The following ATG2A variants were observed in gnomAD, a reference collection of about 807,000 sequenced individuals.
ATG2A encodes the protein autophagy related 2A.
A neutral mutation model predicts 214.2 loss-of-function variants in ATG2A; 103 were observed. The ratio of observed to expected loss-of-function variants is 0.48; its 90% CI spans 0.41 to 0.57. ATG2A has a LOEUF of 0.57. Ranked by LOEUF, ATG2A falls within the 20% of genes least tolerant of loss-of-function variation. The probability of loss-of-function intolerance (pLI) is 0.00; values close to 1 mark genes in which losing one functional copy is unlikely to be tolerated. For missense variants in ATG2A, 2,312 were observed against 2,613.2 expected (o/e 0.88, Z 2.51); for synonymous variants, 1,160 against 1,142.1 (o/e 1.02, Z -0.32).
In ATG2A at chr11:64,897,710, C is replaced by A. The variant is rs1378099917; in HGVS notation, c.5028G>T (p.Trp1676Cys). ...TGACGTGCTTGCCATGGTAATCCAG[C>A]CAGATGGGGACCTCAGACGTGAAGC... ...EFRFTSEVPI[W>C]LDYHGKHVTM... Residue 1676 changes from tryptophan (W) to cysteine (C), a missense_variant, in exon 36 of 41, where the codon TGG (tryptophan) becomes TGT (cysteine). Coordinates refer to ENST00000377264, the MANE Select transcript of ATG2A (RefSeq NM_015104.3). 11 of 1,614,118 alleles carry A rather than the reference C, an allele frequency of 6.8e-6. No homozygotes were observed. The highest frequency in any genetic ancestry group is 1.3e-5 in the African/African-American group (1 of 74,936).
In ATG2A at chr11:64,898,380, GTTCTGGACACCTGCTGGGC is replaced by G. The variant is rs1288865968; in HGVS notation, c.4672-37_4672-19del. 4.5e-6 allele frequency: 7 copies of G among 1,572,080 alleles called. No homozygotes were observed. The highest frequency in any genetic ancestry group is 1.4e-5 in the African/African-American group (1 of 73,170). ...ATGGTGAGCTGGGAGCAGAGGGTGA[GTTCTGGACACCTGCTGGGC>G]CTCTGGGGCAGCAGCTCACCCAGCT... On this transcript the variant is annotated intron_variant, in intron 32 of 40. Coordinates refer to ENST00000377264, the MANE Select transcript of ATG2A (RefSeq NM_015104.3). This position sits in a 1 kb window ranked among gnomAD's most constrained non-coding sequence, Gnocchi z 4.5.
rs746237202 is a variant in ATG2A, at chr11:64,894,891, C to T, written c.*82G>A. ...GTGGCCATCCCCTGAAGGGCCAGGC[C>T]GGGCCGGGCCCGTGGGCTGCAGCTC... On this transcript the variant is annotated 3_prime_UTR_variant, in exon 41 of 41. Transcript: ENST00000377264. The T allele has an allele frequency of 9.1e-6, 14 of 1,535,014 alleles. No homozygotes were observed. Among genetic ancestry groups the T allele is most frequent in the African/African-American group, 5.4e-5 (4 of 73,460 alleles).
chr11:64,898,763 G>A lies in ATG2A; in HGVS notation c.4544C>T (p.Pro1515Leu), dbSNP rs938979604. 9.3e-6 allele frequency: 15 copies of A among 1,613,750 alleles called. No individual in the cohort carries two copies. The highest frequency in any genetic ancestry group is 5.0e-5 in the Admixed American group (3 of 60,004). The change falls in exon 32 of 41, where the codon CCG (proline) becomes CTG (leucine). Residue 1515 changes from proline (P) to leucine (L), a missense_variant. Physicochemically the swap from Pro to Leu is moderately conservative, Grantham distance 98. Transcript: ENST00000377264. This position sits in a 1 kb window ranked among gnomAD's most constrained non-coding sequence, Gnocchi z 4.5. ...CACGATGAACACCTGACGGGACAGC[G>A]GTCGCTCCTCCAGCTCCTGGCTGGG... ...AAPSQELEER[P>L]LSRQVFIVQE...
chr11:64,915,147 C>T (rs960956805), intron 1 of ATG2A, among the ~76,000 whole-genome samples: 3 of 103,020 alleles, frequency 2.9e-5, no homozygotes, highest in East Asian at 3.5e-4. Flanking sequence ...CCCCCCCCAC[C>T]ACCAACCCCA....
At chr11:64,910,782 G>A (rs1372865283) in intron 11 of ATG2A, 25 bp downstream of exon 11, 10 of 1,610,260 alleles carry the variant, frequency 6.2e-6, no homozygotes, top group African/African-American at 1.3e-5. Flanking sequence ...ACCCCGCCTC[G>A]TACACATTCT....
At chr11:64,915,400 G>A (rs553341769) in intron 1 of ATG2A, among the ~76,000 whole-genome samples, 5 of 152,274 alleles carry the variant, frequency 3.3e-5, no homozygotes, top group South Asian at 2.1e-4. Flanking sequence ...CCCACAGCTC[G>A]GGAAACTGAG....
At chr11:64,912,971 G>C in intron 6 of ATG2A, 67 bp downstream of exon 6, 3 of 1,165,742 alleles carry the variant, frequency 2.6e-6, no homozygotes, top group Non-Finnish European at 3.6e-6. Flanking sequence ...TAGATAATCA[G>C]CCTTGCTGAG....
Position 64,913,265 on chromosome 11 carries a change from C to A in ATG2A, c.726+1G>T. 6.2e-7 allele frequency: 1 copy of A among 1,611,958 alleles called. No homozygotes were observed. The highest frequency in any genetic ancestry group is 8.5e-7 in the Non-Finnish European group (1 of 1,179,720). On this transcript the variant is annotated splice_donor_variant, in intron 5 of 40. Transcript: ENST00000377264. LOFTEE classifies it high-confidence loss of function. The surrounding 1 kb of genome is among the most constrained non-coding windows in gnomAD (Gnocchi z 4.3). ...GGCTGTGGGAATCAGAGCCCGCTCA[C>A]CTGTGCCGGGAGCTCCTCGTAGTGC...
chr11:64,910,479 T>G, intron 12 of ATG2A, 137 bp downstream of exon 12: 1 of 1,126,152 alleles, frequency 8.9e-7, no homozygotes, highest in Non-Finnish European at 1.3e-6. Flanking sequence ...GGCAGGTATT[T>G]GAGGGCCCCA....
At position 64,913,349 on chromosome 11, in the gene ATG2A, C is replaced by A. The variant is rs1265606371; in HGVS notation, c.643G>T (p.Asp215Tyr). The A allele has an allele frequency of 2.5e-6, 4 of 1,602,244 alleles. No individual in the cohort carries two copies. Among genetic ancestry groups the A allele is most frequent in the Non-Finnish European group, 3.4e-6 (4 of 1,175,826 alleles). Residue 215 changes from aspartate to tyrosine, a missense_variant, in exon 5 of 41, where the codon GAC becomes TAC. Coordinates refer to ENST00000377264, the MANE Select transcript of ATG2A (RefSeq NM_015104.3). This position sits in a 1 kb window ranked among gnomAD's most constrained non-coding sequence, Gnocchi z 4.3. ...AGGAAGGCAGGCGGCTGATGCACGTCCACCGGCGGCGCCTGGCTTGGGTCC... is the reference window on the plus strand; with the variant it reads ...AGGAAGGCAGGCGGCTGATGCACGTACACCGGCGGCGCCTGGCTTGGGTCC... ...VRDPSQAPPVDVHQPPAFLHK... is the reference protein window; with the variant it reads ...VRDPSQAPPVYVHQPPAFLHK...
chr11:64,911,043 A>G lies in ATG2A; in HGVS notation c.1461T>C (p.His487=), dbSNP rs1266734729. 10 of 1,613,854 alleles carry G rather than the reference A, an allele frequency of 6.2e-6. No homozygotes were observed. Among genetic ancestry groups the G allele is most frequent in the East Asian group, 4.5e-5 (2 of 44,900 alleles). The change falls in exon 10 of 41, where the codon CAT becomes CAC. Residue 487 remains histidine, a synonymous_variant. Coordinates refer to ENST00000377264, the MANE Select transcript of ATG2A (RefSeq NM_015104.3). ...CCCTGGCCTCGGGCTTATACCGAAC[A>G]TGGCTACAGGGACAGGCCCTCTGGA... ...PRFQRACPCS[H]VRLTGTAVQL... is the part of the protein sequence containing the mutation.
rs767502321 is a variant in ATG2A at position 64,902,528 on chromosome 11, G to A, written c.3765C>T (p.Ile1255=). Residue 1255 remains isoleucine, a synonymous_variant, in exon 27 of 41, where the codon ATC becomes ATT. Coordinates refer to ENST00000377264, the MANE Select transcript of ATG2A (RefSeq NM_015104.3). ...PPPRPPSPTE[I]AGQKLSESPA... ...GCCTCACCTGTACCTTCTGGCCGGC[G>A]ATCTCCGTGGGGCTGGGGGGCCGGG... 6.1e-6 allele frequency: 9 copies of A among 1,486,236 alleles called. No individual in the cohort carries two copies. The highest frequency in any genetic ancestry group is 2.6e-5 in the East Asian group (1 of 38,434). The allele number at this position is 1,486,236 out of a possible 1,614,324, so 92.1% of individuals were successfully genotyped here. A position where few individuals can be genotyped will look rare whatever the true frequency, so the allele number is the denominator to read the frequency against.
rs754940075 is a variant in ATG2A at position 64,909,837 on chromosome 11, C to T, written c.1951G>A (p.Asp651Asn). 116 of 1,610,590 alleles carry T rather than the reference C, an allele frequency of 7.2e-5. No homozygotes were observed. Among genetic ancestry groups the T allele is most frequent in the Non-Finnish European group, 9.2e-5 (108 of 1,179,224 alleles). The change falls in exon 14 of 41, where the codon GAC becomes AAC. Residue 651 changes from aspartate (D) to asparagine (N), a missense_variant. Transcript: ENST00000377264. ...ATLRLRFPIA[D>N]LRPEPDPWAG... ...CAGGGGTCCGGCTCAGGCCGCAGGT[C>T]GGCAATGGGGAAGCGCAGCCGCAGC... is the stretch of plus-strand genomic sequence containing the variant.
In ATG2A at chr11:64,909,074, G is replaced by A; in HGVS notation, c.2281C>T (p.Leu761=). The A allele has an allele frequency of 6.2e-7, 1 of 1,613,340 alleles. No individual in the cohort carries two copies. The highest frequency in any genetic ancestry group is 8.5e-7 in the Non-Finnish European group (1 of 1,179,962). The part of the protein sequence containing the change: ...VAPEKGEELE[L]SVESPCELRE... The stretch of plus-strand genomic sequence containing the variant: ...AGCTCACAGGGACTCTCCACTGACA[G>A]CTCCAGTTCCTCTCCCTTCTCCGGG... Residue 761 remains leucine, a synonymous_variant, in exon 16 of 41, where the codon CTG becomes TTG. Coordinates refer to ENST00000377264, the MANE Select transcript of ATG2A (RefSeq NM_015104.3).
intron 2 of ATG2A, 32 bp from the exon 3 acceptor site, chr11:64,914,265 A>AGGCC (rs781727131): frequency 6.4e-7 from 1 of 1,550,404 alleles, no homozygotes; most frequent in South Asian, 1.2e-5. Context: ...CAAGGCAGGC[A>AGGCC]GGCCCAGTCA....
At position 64,903,735 on chromosome 11, in the gene ATG2A, T is replaced by C; in HGVS notation, c.3465-75A>G. ...GCTCCACGGGAGCCGAGCAGAGGGGTCCCAAGCCCACAGGAGGTGGTATGG... is the reference window on the plus strand; with the variant it reads ...GCTCCACGGGAGCCGAGCAGAGGGGCCCCAAGCCCACAGGAGGTGGTATGG... On this transcript the variant is annotated intron_variant, in intron 24 of 40. Coordinates refer to ENST00000377264, the MANE Select transcript of ATG2A (RefSeq NM_015104.3). This position sits in a 1 kb window ranked among gnomAD's most constrained non-coding sequence, Gnocchi z 4.2. 1 of 1,421,474 alleles carries C rather than the reference T, an allele frequency of 7.0e-7. No individual in the cohort carries two copies. The highest frequency in any genetic ancestry group is 1.3e-5 in the South Asian group (1 of 76,272). 88.1% of individuals were successfully genotyped at this position (1,421,474 alleles called of 1,614,324 possible). A position where few individuals can be genotyped will look rare whatever the true frequency, so the allele number is the denominator to read the frequency against.
In ATG2A at chr11:64,902,365, G is replaced by A. The variant is rs374302539; in HGVS notation, c.3799C>T (p.Leu1267=). The part of the protein sequence containing the change: ...GQKLSESPAS[L]PSCPPVETAL... ...GTCTCCACTGGGGGGCACGAGGGCA[G>A]AGAGGCAGGACTCTCCGAGAGCTGG... Residue 1267 remains leucine, a synonymous_variant, in exon 28 of 41, where the codon CTG becomes TTG. Transcript: ENST00000377264. The A allele has an allele frequency of 2.9e-5, 46 of 1,592,016 alleles. No homozygotes were observed. Among genetic ancestry groups the A allele is most frequent in the Non-Finnish European group, 3.3e-5 (39 of 1,170,164 alleles).
intron 8 of ATG2A, 37 bp from the exon 9 acceptor site, chr11:64,912,019 C>G (rs1944792061): frequency 6.2e-7 from 1 of 1,613,386 alleles, no homozygotes; most frequent in African/African-American, 1.3e-5. Context: ...GACAGCCGAC[C>G]CCAGCCCCTA....
rs150334189 is a variant in ATG2A, at chr11:64,911,210, C to A, written c.1294G>T (p.Gly432Trp). 5 of 1,614,124 alleles carry A rather than the reference C, an allele frequency of 3.1e-6. No homozygotes were observed. Among genetic ancestry groups the A allele is most frequent in the East Asian group, 2.2e-5 (1 of 44,888 alleles). The stretch of plus-strand genomic sequence containing the variant: ...TGAAGCAAGGTCAGGGTCACACCCC[C>A]CAAGGTCATCTTCAGCAGCGAGTCA... ...RPDSLLKMTL[G>W]GVTLTLLQTS... Residue 432 changes from glycine to tryptophan, a missense_variant, in exon 10 of 41, where the codon GGG becomes TGG. Coordinates refer to ENST00000377264, the MANE Select transcript of ATG2A (RefSeq NM_015104.3).
Sources: gnomAD v4.1 joint callset for allele counts (sites outside exome capture counted in the v4.1 genomes callset) on GRCh38, gnomAD v4.1.1 for gene constraint, Gnocchi (gnomAD v3.1) non-coding constraint, MANE v1.5 for transcripts, NCBI Gene and HGNC (gene_info 2026-07-23, HGNC 2026-07-21) for gene names.